The following ADGRB3 variants were observed in gnomAD, a reference collection of about 807,000 sequenced individuals.
The protein encoded by ADGRB3 is brain-specific angiogenesis inhibitor 3.
Under a neutral mutation model 193.4 loss-of-function variants are expected in ADGRB3, and 37 were observed. That is an observed-to-expected ratio of 0.19 (90% CI 0.15 to 0.25). The LOEUF is 0.25. Ranked by LOEUF, ADGRB3 falls within the 10% of genes least tolerant of loss-of-function variation. The pLI is 1.00. For synonymous variants in ADGRB3, 690 were observed against 644.2 expected (o/e 1.07, Z -1.08); for missense variants, 1,637 against 1,852.9 (o/e 0.88, Z 2.14).
intron 3 of ADGRB3, among the ~76,000 whole-genome samples, chr6:68,929,794 AT>A (rs1188094851): frequency 1.3e-5 from 2 of 152,006 alleles, no homozygotes; most frequent in East Asian, 1.9e-4. Context: ...TACTCAACTA[AT>A]TTTTTTCTTT....
At chr6:69,156,267 A>G (rs1222535384) in intron 17 of ADGRB3, among the ~76,000 whole-genome samples, 1 of 152,206 alleles carries the variant, frequency 6.6e-6, no homozygotes, top group Non-Finnish European at 1.5e-5. Context: ...ACAGAGCAAG[A>G]TAGTATGATA....
chr6:68,703,978 G>A (rs1765285612), intron 3 of ADGRB3, among the ~76,000 whole-genome samples: 1 of 152,122 alleles, frequency 6.6e-6, no homozygotes, highest in Non-Finnish European at 1.5e-5. Context: ...AATTTTAAAT[G>A]TCATCTTTGT....
At chr6:69,162,859 A>G (rs1313174027) in intron 17 of ADGRB3, among the ~76,000 whole-genome samples, 1 of 151,950 alleles carries the variant, frequency 6.6e-6, no homozygotes, top group Non-Finnish European at 1.5e-5. Flanking sequence ...TCCAATTGAG[A>G]CTCTGTATCA....
chr6:68,661,422 T>A (rs1320613915), intron 3 of ADGRB3, among the ~76,000 whole-genome samples: 1 of 111,838 alleles, frequency 8.9e-6, no homozygotes, highest in Admixed American at 1.0e-4. Flanking sequence ...TGTGTATATA[T>A]ATGTGTATAC....
At chr6:69,176,850 A>T (rs968340985) in intron 17 of ADGRB3, among the ~76,000 whole-genome samples, 4 of 152,178 alleles carry the variant, frequency 2.6e-5, no homozygotes, top group African/African-American at 9.7e-5. Flanking sequence ...TTCCCAATTC[A>T]ATCTAGGGAC....
intron 3 of ADGRB3, among the ~76,000 whole-genome samples, chr6:68,833,958 G>GTT (rs11438870): frequency 8.5e-4 from 126 of 148,398 alleles, no homozygotes; most frequent in African/African-American, 2.5e-3. Flanking sequence ...ATACAGGAAG[G>GTT]TTTTTTTTTT....
intron 8 of ADGRB3, among the ~76,000 whole-genome samples, chr6:68,964,604 A>T (rs2150260210): frequency 6.6e-6 from 1 of 152,342 alleles, no homozygotes; most frequent in Admixed American, 6.5e-5. Context: ...TATAACTAAA[A>T]GTTAGTAAAT....
At chr6:68,681,893 C>T (rs918302280) in intron 3 of ADGRB3, among the ~76,000 whole-genome samples, 5 of 152,060 alleles carry the variant, frequency 3.3e-5, no homozygotes, top group South Asian at 2.1e-4. Context: ...GGTATGACAA[C>T]GGGATTAAAG....
chr6:69,104,980 G>A (rs1348780792), intron 17 of ADGRB3, among the ~76,000 whole-genome samples: 4 of 152,142 alleles, frequency 2.6e-5, no homozygotes, highest in Admixed American at 6.5e-5. Context: ...TTTGAAAAGT[G>A]TTTTAACATT....
At chr6:69,083,566 G>T (rs1330541531) in intron 17 of ADGRB3, among the ~76,000 whole-genome samples, 2 of 152,044 alleles carry the variant, frequency 1.3e-5, no homozygotes, top group Non-Finnish European at 2.9e-5. Flanking sequence ...ATGTGTTAAA[G>T]GGTAAGAATT....
chr6:68,776,345 A>G (rs867026376), intron 3 of ADGRB3, among the ~76,000 whole-genome samples: 2 of 152,214 alleles, frequency 1.3e-5, no homozygotes, highest in Non-Finnish European at 2.9e-5. Context: ...GGGGTTACAT[A>G]TGATGATTCT....
intron 17 of ADGRB3, among the ~76,000 whole-genome samples, chr6:69,099,517 A>G (rs1772973410): frequency 6.6e-6 from 1 of 152,226 alleles, no homozygotes; most frequent in Non-Finnish European, 1.5e-5. Context: ...AGTTTCTTTT[A>G]AGTGAAACCT....
intron 3 of ADGRB3, among the ~76,000 whole-genome samples, chr6:68,743,132 TA>T (rs1766013324): frequency 6.6e-6 from 1 of 152,062 alleles, no homozygotes; most frequent in Non-Finnish European, 1.5e-5. Flanking sequence ...TATTTAATTA[TA>T]GATTCTTTCT....
chr6:68,832,174 T>G (rs963861892), intron 3 of ADGRB3, among the ~76,000 whole-genome samples: 1 of 152,162 alleles, frequency 6.6e-6, no homozygotes, highest in Non-Finnish European at 1.5e-5. Context: ...CTCTTAAGAT[T>G]GTTGACATAA....
At chr6:69,253,598 T>C (rs2127268178) in intron 20 of ADGRB3, among the ~76,000 whole-genome samples, 1 of 151,990 alleles carries the variant, frequency 6.6e-6, no homozygotes, top group East Asian at 1.9e-4. Flanking sequence ...TAGAGAAGAG[T>C]TGAAGAGAAA....
intron 20 of ADGRB3, among the ~76,000 whole-genome samples, chr6:69,264,132 G>A (rs1337353998): frequency 6.6e-6 from 1 of 151,812 alleles, no homozygotes; most frequent in Non-Finnish European, 1.5e-5. Flanking sequence ...ATAGACACTA[G>A]GAGAAAACTA....
At chr6:69,233,076 C>T (rs1766182721) in intron 17 of ADGRB3, 7 of 625,732 alleles carry the variant, frequency 1.1e-5, no homozygotes, top group South Asian at 1.0e-4. Context: ...GCTCTCTGCA[C>T]GCCGCACCGC....
At chr6:68,640,233 CG>C (rs1768053657) in intron 3 of ADGRB3, among the ~76,000 whole-genome samples, 1 of 151,954 alleles carries the variant, frequency 6.6e-6, no homozygotes. Flanking sequence ...CCCCGGTTGA[CG>C]TACACGAAGA....
intron 3 of ADGRB3, among the ~76,000 whole-genome samples, chr6:68,705,774 A>G (rs1765316625): frequency 6.6e-6 from 1 of 152,218 alleles, no homozygotes; most frequent in South Asian, 2.1e-4. Flanking sequence ...AATAGTGGAA[A>G]AGATACTTCA....
Sources: allele counts gnomAD v4.1 joint callset (sites outside exome capture counted in the v4.1 genomes callset), GRCh38; gene constraint gnomAD v4.1.1; transcripts MANE v1.5; gene names NCBI Gene and HGNC (gene_info 2026-07-23, HGNC 2026-07-21).